Variants in MACROD1 observed in about 807,000 individuals in gnomAD.
MACROD1 encodes the protein ADP-ribose glycohydrolase MACROD1.
Under a neutral mutation model 41.4 loss-of-function variants are expected in MACROD1, and 31 were observed. The ratio of observed to expected loss-of-function variants is 0.75; its 90% confidence interval spans 0.56 to 1.01. MACROD1 has a LOEUF of 1.01. Ranked by LOEUF, MACROD1 falls within the 50% of genes least tolerant of loss-of-function variation. The pLI is 0.00. For synonymous variants in MACROD1, 252 were observed against 203.4 expected (o/e 1.24, Z -2.03); for missense variants, 473 against 460.0 (o/e 1.03, Z -0.26).
intron 3 of MACROD1, among the ~76,000 whole-genome samples, chr11:64,084,071 G>A (rs1301625763): frequency 6.6e-6 from 1 of 152,206 alleles, no homozygotes; most frequent in Non-Finnish European, 1.5e-5. Context: ...TTTCCATAGT[G>A]TGTCCCTGCC....
chr11:64,093,302 A>G (rs1268341578), intron 3 of MACROD1, among the ~76,000 whole-genome samples: 1 of 152,226 alleles, frequency 6.6e-6, no homozygotes, highest in Non-Finnish European at 1.5e-5. Flanking sequence ...CGATCGAGTC[A>G]GCTGCTGGTG....
chr11:64,020,196 C>T (rs1161296233), intron 3 of MACROD1, among the ~76,000 whole-genome samples: 1 of 152,032 alleles, frequency 6.6e-6, no homozygotes, highest in East Asian at 1.9e-4. Context: ...GGAAAGGGAC[C>T]AACAAGGTGG....
Position 63,998,619 on chromosome 11 carries a change from G to GCCAGGC in MACROD1, c.*93_*98dup, listed in dbSNP as rs1316400418. 1 of 1,286,022 alleles carries GCCAGGC rather than the reference G, an allele frequency of 7.8e-7. No homozygotes were observed. The highest frequency in any genetic ancestry group is 9.8e-7 in the Non-Finnish European group (1 of 1,019,134). The allele number at this position is 1,286,022 out of a possible 1,614,324, so 79.7% of individuals were successfully genotyped here. Reference sequence around the variant, plus strand: ...GGGGCGCGGAGGGAAAGAAGGGGTGGCCAGGCCCAGGCCAGGCTGCAGGCT... The same window carrying GCCAGGC: ...GGGGCGCGGAGGGAAAGAAGGGGTGGCCAGGCCCAGGCCCAGGCCAGGCTGCAGGCT... On this transcript the variant is annotated 3_prime_UTR_variant, in exon 11 of 11. Transcript: ENST00000255681.
chr11:64,037,629 G>A (rs1476246856), intron 3 of MACROD1, among the ~76,000 whole-genome samples: 1 of 152,162 alleles, frequency 6.6e-6, no homozygotes, highest in Non-Finnish European at 1.5e-5. Context: ...TGGCTGAAGG[G>A]TCGGCCATGG....
intron 4 of MACROD1, chr11:64,001,877 C>T (rs967374466): frequency 6.1e-6 from 4 of 660,222 alleles, no homozygotes; most frequent in South Asian, 1.6e-5. Flanking sequence ...CACATCCTGG[C>T]TCTGCCAGCC....
intron 3 of MACROD1, among the ~76,000 whole-genome samples, chr11:64,017,982 G>C (rs540290870): frequency 1.3e-5 from 2 of 152,298 alleles, no homozygotes; most frequent in East Asian, 1.9e-4. Context: ...AAACTCCACT[G>C]TGTGTGGCCT....
intron 3 of MACROD1, among the ~76,000 whole-genome samples, chr11:64,112,048 C>G (rs1944872083): frequency 1.3e-5 from 2 of 152,222 alleles, no homozygotes; most frequent in Admixed American, 6.5e-5. Context: ...CTCCTTCTGC[C>G]AGGGGACCAT....
intron 3 of MACROD1, among the ~76,000 whole-genome samples, chr11:64,046,442 GGGAGCTGGGTCCTACCCTTGCCCT>G: frequency 6.6e-6 from 1 of 152,212 alleles, no homozygotes; most frequent in Non-Finnish European, 1.5e-5. Flanking sequence ...GGGGACAGGA[GGGAGCTGGGTCCTACCCTTGCCCT>G]GGACCCCAGA....
chr11:64,049,975 C>G (rs1198297841), intron 3 of MACROD1, among the ~76,000 whole-genome samples: 1 of 152,232 alleles, frequency 6.6e-6, no homozygotes, highest in Admixed American at 6.5e-5. Flanking sequence ...TCGCACAGAG[C>G]CAGCCCAGGC....
chr11:64,079,261 G>C (rs1944261172), intron 3 of MACROD1, among the ~76,000 whole-genome samples: 1 of 151,888 alleles, frequency 6.6e-6, no homozygotes, highest in Admixed American at 6.5e-5. Context: ...GGGGTCACAG[G>C]GGCTCCCACC....
intron 3 of MACROD1, among the ~76,000 whole-genome samples, chr11:64,087,426 G>A (rs997777719): frequency 4.6e-5 from 7 of 152,270 alleles, no homozygotes; most frequent in East Asian, 1.9e-4. Context: ...TCCGGGGTGC[G>A]TCTGCCTCCC....
At chr11:64,034,463 G>C (rs1193378568) in intron 3 of MACROD1, among the ~76,000 whole-genome samples, 1 of 152,256 alleles carries the variant, frequency 6.6e-6, no homozygotes. Context: ...AGAAGAAAGG[G>C]AGTTAAGGGG....
intron 3 of MACROD1, among the ~76,000 whole-genome samples, chr11:64,045,908 G>A (rs985063375): frequency 2.6e-5 from 4 of 152,120 alleles, no homozygotes; most frequent in African/African-American, 9.7e-5. Flanking sequence ...GCAACATAGC[G>A]AGACCCCATC....
intron 5 of MACROD1, 137 bp downstream of exon 5, chr11:64,000,089 CG>C (rs1391094238): frequency 8.1e-5 from 55 of 678,976 alleles, no homozygotes; most frequent in Non-Finnish European, 1.3e-4. Context: ...GGGTGGGGGC[CG>C]GGTCTTGGCC....
rs112195962 is a variant in MACROD1 at position 64,062,683 on chromosome 11, A to G, written c.518-47402T>C. On this transcript the variant is annotated intron_variant, in intron 3 of 10. Coordinates refer to ENST00000255681, the MANE Select transcript of MACROD1 (RefSeq NM_014067.4). ...TGCAGCAAGGTTTCTCAGGGAAGCC[A>G]GAGTGCTGAAGGCTTCCAGTGTGCC... is the stretch of plus-strand genomic sequence containing the variant. Among the ~76,000 whole-genome samples the G allele has an allele frequency of 1.0e-3, 155 of 152,316 alleles. 3 individuals carry two copies. The highest frequency in any genetic ancestry group is 3.4e-3 in the Middle Eastern group (1 of 294).
intron 3 of MACROD1, among the ~76,000 whole-genome samples, chr11:64,114,548 C>A (rs1399447373): frequency 2.2e-5 from 3 of 136,012 alleles, no homozygotes; most frequent in Non-Finnish European, 3.1e-5. Context: ...TGGATTGATG[C>A]ATGGATGGAT....
chr11:64,062,844 G>C (rs2000556), intron 3 of MACROD1, among the ~76,000 whole-genome samples: 29,415 of 152,126 alleles, frequency 0.19, 5,368 homozygotes, highest in African/African-American at 0.47. Context: ...GAACTCAGCA[G>C]GGGCACCTCC....
At chr11:64,138,772 T>A (rs1945368114) in intron 3 of MACROD1, among the ~76,000 whole-genome samples, 1 of 140,356 alleles carries the variant, frequency 7.1e-6, no homozygotes, top group Non-Finnish European at 1.6e-5. Flanking sequence ...CTGATGGGGA[T>A]TTTTTTTTTT....
Position 64,075,100 on chromosome 11 carries a change from C to T in MACROD1, c.518-59819G>A, listed in dbSNP as rs572764187. On this transcript the variant is annotated intron_variant, in intron 3 of 10. Coordinates refer to ENST00000255681, the MANE Select transcript of MACROD1 (RefSeq NM_014067.4). ...TGGGCTCCACTGTGGCTTCAGGAAG[C>T]ACCTTGGTCTCTCTGGGCCTCTTTC... Among the ~76,000 whole-genome samples the T allele has an allele frequency of 1.6e-3, 238 of 152,356 alleles. 1 individual carries two copies. Among genetic ancestry groups the T allele is most frequent in the African/African-American group, 5.4e-3 (224 of 41,576 alleles).
Sources: allele counts gnomAD v4.1 joint callset (sites outside exome capture counted in the v4.1 genomes callset), GRCh38; gene constraint gnomAD v4.1.1; transcripts MANE v1.5; gene names NCBI Gene and HGNC (gene_info 2026-07-23, HGNC 2026-07-21).